Variants in SINHCAF observed in about 807,000 individuals in gnomAD.
The protein encoded by SINHCAF is SIN3-HDAC complex associated factor, also known as SIN3-HDAC complex-associated factor.
SINHCAF carries 3 observed loss-of-function variants against 25.8 expected under a neutral mutation model. The observed-to-expected ratio is 0.12, with a 90% CI of 0.05 to 0.30. The LOEUF is 0.30. Among genes scored for constraint, SINHCAF ranks in the 10% least tolerant of loss-of-function variants. The pLI is 1.00. For missense variants in SINHCAF, 121 were observed against 262.3 expected, an observed-to-expected ratio of 0.46 and a Z score of 3.72; for synonymous variants, 70 against 85.5, an observed-to-expected ratio of 0.82 and a Z score of 1.00.
Position 31,324,992 on chromosome 12 carries a change from G to A in SINHCAF, c.-21+1032C>T, listed in dbSNP as rs2137151085. ...ACGGCGGCCGCATCCCACGGCTCAC[G>A]CGGGGCTGGACATTCGGACAAGGAC... On this transcript the variant is annotated intron_variant, in intron 1 of 5. Coordinates refer to ENST00000337682, the MANE Select transcript of SINHCAF (RefSeq NM_001135812.2). The surrounding 1 kb of genome is among the most constrained non-coding windows in gnomAD (Gnocchi z 5.5). The A allele has an allele frequency of 2.2e-6, 1 of 456,760 alleles. No homozygotes were observed. Among genetic ancestry groups the A allele is most frequent in the South Asian group, 1.5e-5 (1 of 64,566 alleles). 28.3% of individuals were successfully genotyped at this position (456,760 alleles called of 1,614,324 possible). A position where few individuals can be genotyped will look rare whatever the true frequency, so the allele number is the denominator to read the frequency against.
chr12:31,295,179 A>G (rs763799089), intron 3 of SINHCAF, 55 bp downstream of exon 3: 1 of 1,062,272 alleles, frequency 9.4e-7, no homozygotes, highest in Non-Finnish European at 1.4e-6. Context: ...GGGGAAATTA[A>G]TGTTACTTTA....
At chr12:31,298,915 T>G (rs1938659428) in intron 1 of SINHCAF, among the ~76,000 whole-genome samples, 1 of 152,212 alleles carries the variant, frequency 6.6e-6, no homozygotes, top group East Asian at 1.9e-4. Flanking sequence ...GTCTGACCGC[T>G]GATCTGCCCC....
chr12:31,298,068 T>C lies in SINHCAF; in HGVS notation c.128+9A>G, dbSNP rs1212828051. On this transcript the variant is annotated intron_variant, in intron 2 of 5. Coordinates refer to ENST00000337682, the MANE Select transcript of SINHCAF (RefSeq NM_001135812.2). ...CTCTAAGAATAGTACAAACATCAGG[T>C]GATCTTACCCAAAACAGCTCTGGAA... The C allele has an allele frequency of 2.5e-6, 4 of 1,613,286 alleles. No homozygotes were observed. In the South Asian group the frequency reaches 4.4e-5, roughly 18 times the overall value.
At chr12:31,320,774 C>T (rs2137139508) in intron 1 of SINHCAF, among the ~76,000 whole-genome samples, 1 of 151,750 alleles carries the variant, frequency 6.6e-6, no homozygotes, top group East Asian at 1.9e-4. Flanking sequence ...GAAAAAAAAC[C>T]TGAGGTTTTA....
chr12:31,285,396 G>A (rs1938000500), intron 5 of SINHCAF, among the ~76,000 whole-genome samples: 1 of 122,034 alleles, frequency 8.2e-6, no homozygotes. Flanking sequence ...TCTCAACATA[G>A]ACATATATTT....
chr12:31,323,898 G>A (rs768002904), intron 1 of SINHCAF: 4 of 453,040 alleles, frequency 8.8e-6, no homozygotes, highest in South Asian at 4.7e-5. Flanking sequence ...TTCTCTGAAA[G>A]CAGTAAAATG....
Position 31,302,333 on chromosome 12 carries a change from T to C in SINHCAF, c.-20-4109A>G, listed in dbSNP as rs533213011. Reference sequence around the variant, plus strand: ...GTACACATTACAAGAGTGAATCTTATGGTATATAAATGAGTGAATTTTATG... The same window carrying C: ...GTACACATTACAAGAGTGAATCTTACGGTATATAAATGAGTGAATTTTATG... On this transcript the variant is annotated intron_variant, in intron 1 of 5. Coordinates refer to ENST00000337682, the MANE Select transcript of SINHCAF (RefSeq NM_001135812.2). Among the ~76,000 whole-genome samples, 14 of 152,104 alleles carry C rather than the reference T, an allele frequency of 9.2e-5. No homozygotes were observed. In the East Asian group the frequency reaches 2.7e-3, roughly 29 times the overall value.
intron 4 of SINHCAF, among the ~76,000 whole-genome samples, chr12:31,288,222 CAA>C (rs1259191750): frequency 3.3e-5 from 5 of 151,946 alleles, no homozygotes; most frequent in African/African-American, 1.2e-4. Flanking sequence ...AACAACAAAA[CAA>C]AAATCCAAAA....
chr12:31,290,688 G>A (rs1239844566), intron 4 of SINHCAF, among the ~76,000 whole-genome samples: 2 of 152,096 alleles, frequency 1.3e-5, no homozygotes, highest in African/African-American at 4.8e-5. Flanking sequence ...TAAACTATTT[G>A]AAATTTCAAT....
intron 1 of SINHCAF, among the ~76,000 whole-genome samples, chr12:31,301,616 G>A (rs1938798508): frequency 6.6e-6 from 1 of 152,044 alleles, no homozygotes; most frequent in Admixed American, 6.6e-5. Context: ...AAATACACAG[G>A]GGTTTCATTT....
At chr12:31,297,021 A>G in intron 2 of SINHCAF, 1 of 442,276 alleles carries the variant, frequency 2.3e-6, no homozygotes, top group South Asian at 1.6e-5. Flanking sequence ...ACTCCAGCCT[A>G]GGCAACATAG....
intron 1 of SINHCAF, among the ~76,000 whole-genome samples, chr12:31,322,175 G>A (rs1408485749): frequency 6.6e-6 from 1 of 152,120 alleles, no homozygotes; most frequent in Non-Finnish European, 1.5e-5. Flanking sequence ...TTGTCTGTGG[G>A]TCTTTCCCAC....
chr12:31,317,225 C>T lies in SINHCAF; in HGVS notation c.-21+8799G>A, dbSNP rs571240592. On this transcript the variant is annotated intron_variant, in intron 1 of 5. Transcript: ENST00000337682. The stretch of plus-strand genomic sequence containing the variant: ...TTGGGAACTGAAATTCTGATATGCA[C>T]AAATTAGGGGAACAACCTCCCAAAT... 7.2e-5 allele frequency among the ~76,000 whole-genome samples: 11 copies of T among 152,194 alleles called. No homozygotes were observed. In the South Asian group the frequency reaches 2.3e-3, roughly 32 times the overall value.
rs935880466 is a variant in SINHCAF at position 31,324,357 on chromosome 12, C to T, written c.-21+1667G>A. The stretch of plus-strand genomic sequence containing the variant: ...CGAGAAACCGGCCGAGCAGTCCGGG[C>T]CAAGCTCCCCGGAACCCTCGGCCGT... On this transcript the variant is annotated intron_variant, in intron 1 of 5. Coordinates refer to ENST00000337682, the MANE Select transcript of SINHCAF (RefSeq NM_001135812.2). The surrounding 1 kb of genome is among the most constrained non-coding windows in gnomAD (Gnocchi z 5.5). 6.1e-6 allele frequency: 1 copy of T among 164,554 alleles called. No homozygotes were observed. The highest frequency in any genetic ancestry group is 1.3e-5 in the Non-Finnish European group (1 of 77,682). 10.2% of individuals were successfully genotyped at this position (164,554 alleles called of 1,614,324 possible).
intron 1 of SINHCAF, among the ~76,000 whole-genome samples, chr12:31,323,086 C>A (rs1939764385): frequency 6.6e-6 from 1 of 152,176 alleles, no homozygotes; most frequent in East Asian, 1.9e-4. Flanking sequence ...AGCCTCCTTA[C>A]AATGTTTCCA....
At chr12:31,296,329 C>G (rs1938547717) in intron 2 of SINHCAF, among the ~76,000 whole-genome samples, 1 of 151,870 alleles carries the variant, frequency 6.6e-6, no homozygotes, top group South Asian at 2.1e-4. Context: ...CCACGCCTGG[C>G]TAATTTTTGT....
At chr12:31,304,336 G>A (rs1938939026) in intron 1 of SINHCAF, 1 of 152,210 alleles carries the variant, frequency 6.6e-6, no homozygotes, top group Admixed American at 6.5e-5. Context: ...GCCTGCATAA[G>A]CATGATATAT....
At chr12:31,301,027 T>A (rs1220470449) in intron 1 of SINHCAF, among the ~76,000 whole-genome samples, 1 of 152,120 alleles carries the variant, frequency 6.6e-6, no homozygotes, top group Non-Finnish European at 1.5e-5. Context: ...AATAAACAAG[T>A]CCTCAAAGCT....
At chr12:31,285,377 G>GTATC (rs1937999040) in intron 5 of SINHCAF, among the ~76,000 whole-genome samples, 1 of 148,506 alleles carries the variant, frequency 6.7e-6, no homozygotes, top group African/African-American at 2.5e-5. Flanking sequence ...GACAGAGTGA[G>GTATC]TCTCTCTCTC....
Sources: gnomAD v4.1 joint callset for allele counts (sites outside exome capture counted in the v4.1 genomes callset) on GRCh38, gnomAD v4.1.1 for gene constraint, Gnocchi (gnomAD v3.1) non-coding constraint, MANE v1.5 for transcripts, NCBI Gene and HGNC (gene_info 2026-07-23, HGNC 2026-07-21) for gene names.